TTYH2: variants seen among roughly 807,000 people sequenced by gnomAD.
The protein encoded by TTYH2 is protein tweety homolog 2.
Under a neutral mutation model 68.3 loss-of-function variants are expected in TTYH2, and 49 were observed. The observed-to-expected ratio is 0.72, with a 90% CI of 0.57 to 0.91. TTYH2 has a LOEUF of 0.91. Among genes scored for constraint, TTYH2 ranks in the 40% least tolerant of loss-of-function variants. The pLI is 0.00. For synonymous variants in TTYH2, 272 were observed against 300.8 expected, an observed-to-expected ratio of 0.90 and a Z score of 0.99; for missense variants, 631 against 700.4, an observed-to-expected ratio of 0.90 and a Z score of 1.12.
At chr17:74,229,845 T>A (rs983722962) in intron 2 of TTYH2, among the ~76,000 whole-genome samples, 2 of 152,108 alleles carry the variant, frequency 1.3e-5, no homozygotes, top group Admixed American at 1.3e-4. Context: ...AGGTCAAGGG[T>A]TAAGGCCAGG....
intron 13 of TTYH2, among the ~76,000 whole-genome samples, chr17:74,257,238 A>T (rs1438865035): frequency 6.6e-6 from 1 of 152,224 alleles, no homozygotes; most frequent in African/African-American, 2.4e-5. Context: ...GCAAGGCTCA[A>T]GGACAGAAAA....
chr17:74,227,084 C>T (rs556765354), intron 2 of TTYH2, among the ~76,000 whole-genome samples: 20 of 152,200 alleles, frequency 1.3e-4, no homozygotes, highest in Non-Finnish European at 2.4e-4. Flanking sequence ...AAGAGATTCT[C>T]CTGCCTCAGC....
Position 74,213,850 on chromosome 17 carries a change from C to G in TTYH2, c.129+134C>G. ...CTCCCCGCGCAGCCCTTTCCCGTCT[C>G]CCCTCTCCCCTTTTCCCCCACCCTC... On this transcript the variant is annotated intron_variant, in intron 1 of 13. Coordinates refer to ENST00000269346, the MANE Select transcript of TTYH2 (RefSeq NM_032646.6). The surrounding 1 kb of genome is among the most constrained non-coding windows in gnomAD (Gnocchi z 6.1). 8.5e-7 allele frequency: 1 copy of G among 1,175,070 alleles called. No individual in the cohort carries two copies. Among genetic ancestry groups the G allele is most frequent in the Non-Finnish European group, 1.2e-6 (1 of 846,694 alleles). 72.8% of individuals were successfully genotyped at this position (1,175,070 alleles called of 1,614,324 possible). A position where few individuals can be genotyped will look rare whatever the true frequency, so the allele number is the denominator to read the frequency against.
chr17:74,226,197 G>A (rs915358878), intron 2 of TTYH2, among the ~76,000 whole-genome samples: 2 of 152,222 alleles, frequency 1.3e-5, no homozygotes, highest in African/African-American at 2.4e-5. Context: ...TAAAGCCAGG[G>A]TCATGAGGGT....
intron 13 of TTYH2, among the ~76,000 whole-genome samples, chr17:74,256,067 G>A (rs531829676): frequency 3.3e-5 from 5 of 152,324 alleles, no homozygotes; most frequent in African/African-American, 1.2e-4. Flanking sequence ...CCCAGTCCCT[G>A]TCTTCAGGAA....
At position 74,252,264 on chromosome 17, in the gene TTYH2, TAC is replaced by T. The variant is rs1179768150; in HGVS notation, c.1148_1149del (p.Tyr383Ter). 1 of 1,613,562 alleles carries T rather than the reference TAC, an allele frequency of 6.2e-7. No homozygotes were observed. Among genetic ancestry groups the T allele is most frequent in the East Asian group, 2.2e-5 (1 of 44,884 alleles). ...DYLDALAGIC[Y>X]DGLQGLLYLG... ...TCTGGACGCTCTTGCTGGCATCTGC[TAC>T]GACGGCCTCCAGGGCTTGCTGTACC... On this transcript the variant is annotated frameshift_variant, in exon 11 of 14. Transcript: ENST00000269346. LOFTEE classifies it high-confidence loss of function.
At chr17:74,254,869 G>A (rs2050676985) in intron 13 of TTYH2, among the ~76,000 whole-genome samples, 2 of 152,160 alleles carry the variant, frequency 1.3e-5, no homozygotes, top group African/African-American at 2.4e-5. Flanking sequence ...GGTTGGCTGT[G>A]GTGGCGGGTC....
chr17:74,252,080 TG>T, intron 10 of TTYH2, 153 bp from the exon 11 acceptor site: 1 of 879,144 alleles, frequency 1.1e-6, no homozygotes. Flanking sequence ...CTCCAGAGTG[TG>T]GACCTTTAAT....
intron 2 of TTYH2, among the ~76,000 whole-genome samples, chr17:74,223,284 T>C (rs889243798): frequency 1.6e-5 from 2 of 127,644 alleles, no homozygotes; most frequent in South Asian, 2.7e-4. Context: ...GGCTTTTTTT[T>C]TGGGGGGCGG....
chr17:74,214,766 A>G lies in TTYH2; in HGVS notation c.129+1050A>G, dbSNP rs2050205665. Among the ~76,000 whole-genome samples the G allele has an allele frequency of 6.6e-6, 1 of 152,144 alleles. No individual in the cohort carries two copies. The highest frequency in any genetic ancestry group is 1.5e-5 in the Non-Finnish European group (1 of 68,018). ...TCCATTTATTCAGAGCCAGGCGCCC[A>G]TCTCAGGACTTTGGCCCCCGGCGGC... On this transcript the variant is annotated intron_variant, in intron 1 of 13. Coordinates refer to ENST00000269346, the MANE Select transcript of TTYH2 (RefSeq NM_032646.6). This position sits in a 1 kb window ranked among gnomAD's most constrained non-coding sequence, Gnocchi z 4.6.
chr17:74,231,147 A>G, intron 3 of TTYH2, 148 bp downstream of exon 3: 1 of 723,344 alleles, frequency 1.4e-6, no homozygotes, highest in Non-Finnish European at 2.3e-6. Context: ...CCTGCGCTGC[A>G]GTTGCCTCTG....
intron 1 of TTYH2, among the ~76,000 whole-genome samples, chr17:74,220,854 A>G (rs1161704661): frequency 6.6e-6 from 1 of 151,328 alleles, no homozygotes; most frequent in Admixed American, 6.6e-5. Context: ...TGGTGCAATC[A>G]TGGTTCACTG....
chr17:74,258,364 C>G (rs2050713875), intron 13 of TTYH2, among the ~76,000 whole-genome samples: 1 of 151,048 alleles, frequency 6.6e-6, no homozygotes, highest in South Asian at 2.1e-4. Flanking sequence ...TCCCCAGGAC[C>G]AAGCGATTCT....
Position 74,239,530 on chromosome 17 carries a change from A to G in TTYH2, c.635+2016A>G, listed in dbSNP as rs1414011433. On this transcript the variant is annotated intron_variant, in intron 4 of 13. Transcript: ENST00000269346. This position sits in a 1 kb window ranked among gnomAD's most constrained non-coding sequence, Gnocchi z 5.3. The stretch of plus-strand genomic sequence containing the variant: ...TCATAAAGCCCCACTCCAGGAGGTC[A>G]CTGCTGGACTGAGTCCAGGGGCCTC... Among the ~76,000 whole-genome samples, 1 of 152,154 alleles carries G rather than the reference A, an allele frequency of 6.6e-6. No individual in the cohort carries two copies. Among genetic ancestry groups the G allele is most frequent in the Non-Finnish European group, 1.5e-5 (1 of 68,022 alleles).
At chr17:74,231,644 T>A (rs1250993400) in intron 3 of TTYH2, among the ~76,000 whole-genome samples, 1 of 150,648 alleles carries the variant, frequency 6.6e-6, no homozygotes, top group African/African-American at 2.4e-5. Context: ...GCCACCACAC[T>A]CCAGCCTGGG....
At chr17:74,245,087 G>A (rs958232189) in intron 6 of TTYH2, among the ~76,000 whole-genome samples, 1 of 152,202 alleles carries the variant, frequency 6.6e-6, no homozygotes, top group Non-Finnish European at 1.5e-5. Context: ...ACCTCGTCCA[G>A]TGACTTGGGG....
intron 2 of TTYH2, 110 bp from the exon 3 acceptor site, chr17:74,230,777 TG>T: frequency 9.5e-7 from 1 of 1,047,722 alleles, no homozygotes; most frequent in Non-Finnish European, 1.4e-6. Flanking sequence ...CCTGAGTAGC[TG>T]GGATTACAGG....
At position 74,227,788 on chromosome 17, in the gene TTYH2, C is replaced by G. The variant is rs148764779; in HGVS notation, c.303-3100C>G. 4.6e-5 allele frequency among the ~76,000 whole-genome samples: 7 copies of G among 151,124 alleles called. No individual in the cohort carries two copies. The East Asian group carries it at 7.8e-4, about 17-fold the overall frequency. On this transcript the variant is annotated intron_variant, in intron 2 of 13. Coordinates refer to ENST00000269346, the MANE Select transcript of TTYH2 (RefSeq NM_032646.6). Reference sequence around the variant, plus strand: ...TTTTTTTTTAATGTCTCCTGCCCCCCCATCTTGGATGATACAGGAACCTCA... The same window carrying G: ...TTTTTTTTTAATGTCTCCTGCCCCCGCATCTTGGATGATACAGGAACCTCA...
intron 4 of TTYH2, among the ~76,000 whole-genome samples, chr17:74,237,781 C>T (rs953195735): frequency 1.4e-4 from 21 of 152,056 alleles, no homozygotes; most frequent in African/African-American, 4.3e-4. Flanking sequence ...CAGGTGTGTG[C>T]CGCCACGCCA....
Sources: gnomAD v4.1 joint callset for allele counts (sites outside exome capture counted in the v4.1 genomes callset) on GRCh38, gnomAD v4.1.1 for gene constraint, Gnocchi (gnomAD v3.1) non-coding constraint, MANE v1.5 for transcripts, NCBI Gene and HGNC (gene_info 2026-07-23, HGNC 2026-07-21) for gene names.